RBFOX1: variants seen among roughly 807,000 people sequenced by gnomAD.
The protein encoded by RBFOX1 is RNA binding protein fox-1 homolog 1.
A neutral mutation model predicts 57.7 loss-of-function variants in RBFOX1; 8 were observed. That is an observed-to-expected ratio of 0.14 (90% CI 0.08 to 0.25). The LOEUF is 0.25. Ranked by LOEUF, RBFOX1 falls within the 10% of genes least tolerant of loss-of-function variation. The pLI, the probability that RBFOX1 is intolerant of heterozygous loss-of-function variation, is 1.00. For synonymous variants in RBFOX1, 326 were observed against 222.4 expected (o/e 1.47, Z -4.15); for missense variants, 611 against 548.5 (o/e 1.11, Z -1.14).
chr16:6,495,352 C>G (rs1465674948), intron 2 of RBFOX1, among the ~76,000 whole-genome samples: 1 of 152,102 alleles, frequency 6.6e-6, no homozygotes, highest in Non-Finnish European at 1.5e-5. Context: ...CTCCTGACCT[C>G]AGGTGATCCA....
intron 3 of RBFOX1, among the ~76,000 whole-genome samples, chr16:7,014,654 C>T (rs2093817212): frequency 6.6e-6 from 1 of 152,132 alleles, no homozygotes; most frequent in Non-Finnish European, 1.5e-5. Context: ...ATTTGATTCT[C>T]AGTCTTTCAA....
chr16:6,723,274 A>C (rs1473106430), intron 3 of RBFOX1, among the ~76,000 whole-genome samples: 1 of 152,208 alleles, frequency 6.6e-6, no homozygotes, highest in African/African-American at 2.4e-5. Context: ...CGTGTTTCTT[A>C]CCTGGACAAT....
rs556022416 is a variant in RBFOX1, at chr16:6,087,875, T to C, written c.-127+67883T>C. On this transcript the variant is annotated intron_variant, in intron 1 of 15. Coordinates refer to ENST00000550418, the MANE Select transcript of RBFOX1 (RefSeq NM_018723.4). ...CCCATGGTGGCCAGAATGGTCTCGA[T>C]CTCTTGACCTTGTGATCCACCTGCC... Among the ~76,000 whole-genome samples the C allele has an allele frequency of 2.6e-3, 400 of 152,268 alleles. 1 individual carries two copies. The highest frequency in any genetic ancestry group is 4.7e-3 in the Admixed American group (72 of 15,290).
At chr16:5,548,421 G>C (rs1050478705) in intron 2 of RBFOX1, among the ~76,000 whole-genome samples, 3 of 151,654 alleles carry the variant, frequency 2.0e-5, no homozygotes, top group African/African-American at 7.3e-5. Context: ...AAAACAGAAT[G>C]AATAAGACCA....
chr16:6,765,040 G>A (rs753929963), intron 3 of RBFOX1, among the ~76,000 whole-genome samples: 1 of 152,052 alleles, frequency 6.6e-6, no homozygotes, highest in Non-Finnish European at 1.5e-5. Flanking sequence ...AAAAATTCAT[G>A]GTGACATGAA....
intron 4 of RBFOX1, among the ~76,000 whole-genome samples, chr16:5,876,165 A>T (rs967422576): frequency 1.3e-5 from 2 of 152,128 alleles, no homozygotes; most frequent in South Asian, 2.1e-4. Flanking sequence ...TTTACCTTGC[A>T]TTGGGGGTTA....
intron 3 of RBFOX1, among the ~76,000 whole-genome samples, chr16:6,938,410 A>C (rs11077116): frequency 0.31 from 47,642 of 152,006 alleles, 11,816 homozygotes; most frequent in African/African-American, 0.7. Context: ...GGGTCGGAAA[A>C]ATGTAACTGT....
intron 3 of RBFOX1, among the ~76,000 whole-genome samples, chr16:6,940,313 A>T (rs2078146006): frequency 6.6e-6 from 1 of 152,192 alleles, no homozygotes; most frequent in African/African-American, 2.4e-5. Context: ...AGTTGCTCTG[A>T]CCAAGCTAGG....
chr16:7,069,371 C>T (rs901736264), intron 4 of RBFOX1, among the ~76,000 whole-genome samples: 2 of 152,186 alleles, frequency 1.3e-5, no homozygotes, highest in Middle Eastern at 6.8e-3. Context: ...CCCAAAGAGG[C>T]CCGGTGTGTG....
intron 3 of RBFOX1, among the ~76,000 whole-genome samples, chr16:7,040,116 GT>G (rs1189515773): frequency 6.6e-6 from 1 of 151,904 alleles, no homozygotes; most frequent in Non-Finnish European, 1.5e-5. Flanking sequence ...TGCCTCCCAG[GT>G]TCAAGCAATT....
At chr16:6,325,268 A>G (rs2082248006) in intron 2 of RBFOX1, among the ~76,000 whole-genome samples, 1 of 152,190 alleles carries the variant, frequency 6.6e-6, no homozygotes, top group Admixed American at 6.5e-5. Flanking sequence ...CTGAGGCAGG[A>G]GGATCACATG....
intron 3 of RBFOX1, among the ~76,000 whole-genome samples, chr16:5,711,822 A>T (rs1367009109): frequency 6.6e-6 from 1 of 152,212 alleles, no homozygotes; most frequent in African/African-American, 2.4e-5. Flanking sequence ...GACAGGCTGG[A>T]GACTTTCCAG....
At chr16:7,695,447 G>A in intron 14 of RBFOX1, among the ~76,000 whole-genome samples, 1 of 152,056 alleles carries the variant, frequency 6.6e-6, no homozygotes, top group East Asian at 1.9e-4. Context: ...AGGGTCAGGA[G>A]TCTAAGACCA....
At chr16:7,680,917 C>G (rs1292768248) in intron 14 of RBFOX1, among the ~76,000 whole-genome samples, 12 of 152,040 alleles carry the variant, frequency 7.9e-5, no homozygotes, top group Admixed American at 7.9e-4. Flanking sequence ...CACACACACA[C>G]TCACTTGTGC....
intron 4 of RBFOX1, among the ~76,000 whole-genome samples, chr16:7,095,729 A>C (rs1381835548): frequency 1.3e-5 from 2 of 152,174 alleles, no homozygotes; most frequent in Admixed American, 6.5e-5. Context: ...TTTCCTTGTT[A>C]AGAAAATATG....
chr16:6,778,194 T>A (rs2079717265), intron 3 of RBFOX1, among the ~76,000 whole-genome samples: 1 of 152,118 alleles, frequency 6.6e-6, no homozygotes, highest in Non-Finnish European at 1.5e-5. Flanking sequence ...TTAAAACAAT[T>A]CAGTCTCCCT....
At chr16:5,689,163 G>C (rs1348543706) in intron 3 of RBFOX1, among the ~76,000 whole-genome samples, 1 of 152,196 alleles carries the variant, frequency 6.6e-6, no homozygotes, top group Non-Finnish European at 1.5e-5. Context: ...CAGAGAACTG[G>C]AATTGTGGGG....
At chr16:7,241,551 T>C (rs1410131562) in intron 4 of RBFOX1, among the ~76,000 whole-genome samples, 1 of 152,200 alleles carries the variant, frequency 6.6e-6, no homozygotes. Flanking sequence ...CAGGAACTTT[T>C]ATGAATTTTG....
intron 4 of RBFOX1, among the ~76,000 whole-genome samples, chr16:7,080,499 C>A (rs1371669217): frequency 6.6e-6 from 1 of 151,966 alleles, no homozygotes; most frequent in African/African-American, 2.4e-5. Flanking sequence ...TGTGTTTTTC[C>A]CCTTCATGTT....
Sources: gnomAD v4.1 joint callset for allele counts (sites outside exome capture counted in the v4.1 genomes callset) on GRCh38, gnomAD v4.1.1 for gene constraint, MANE v1.5 for transcripts, NCBI Gene and HGNC (gene_info 2026-07-23, HGNC 2026-07-21) for gene names.